The following ERG variants were observed in gnomAD, a reference collection of about 807,000 sequenced individuals.
ERG encodes transcriptional regulator ERG.
Under a neutral mutation model 55.3 loss-of-function variants are expected in ERG, and 9 were observed. The observed-to-expected ratio is 0.16, with a 90% CI of 0.10 to 0.28. ERG has a LOEUF of 0.28. ERG is among the 10% of genes least tolerant of loss of function. The pLI is 1.00. For missense variants in ERG, 434 were observed against 631.6 expected (o/e 0.69, Z 3.35); for synonymous variants, 223 against 237.3 (o/e 0.94, Z 0.55).
At chr21:38,588,340 G>GCC (rs1216862749), upstream of ERG, among the ~76,000 whole-genome samples, 2 of 152,054 alleles carry the variant, frequency 1.3e-5, no homozygotes, top group African/African-American at 4.8e-5. Context: ...CACCCTCCAA[G>GCC]CCCTGCCCCT....
chr21:38,438,710 A>G (rs995830648), intron 2 of ERG, among the ~76,000 whole-genome samples: 1 of 152,198 alleles, frequency 6.6e-6, no homozygotes, highest in African/African-American at 2.4e-5. Flanking sequence ...CAACTCAGGC[A>G]AGGACTTCTG....
chr21:38,650,196 C>A (rs2060480524), intron 1 of ERG, among the ~76,000 whole-genome samples: 1 of 152,170 alleles, frequency 6.6e-6, no homozygotes, highest in African/African-American at 2.4e-5. Flanking sequence ...ACAAACTTAT[C>A]TACAAAGAAC....
At position 38,541,486 on chromosome 21, in the gene ERG, G is replaced by T. The variant is rs1482971932; in HGVS notation, c.-41+34176C>A. 2.6e-5 allele frequency among the ~76,000 whole-genome samples: 4 copies of T among 152,084 alleles called. No individual in the cohort carries two copies. The East Asian group carries it at 7.7e-4, about 29-fold the overall frequency. ...TGTTTTATGCCACACATTGCCACTT[G>T]CTCAAGTGTAAAATAAACCTTAAAT... is the stretch of plus-strand genomic sequence containing the variant. On this transcript the variant is annotated intron_variant, in intron 2 of 8. Transcript: ENST00000398897.
At chr21:38,501,999 C>T (rs2059424694), upstream of ERG, among the ~76,000 whole-genome samples, 1 of 152,214 alleles carries the variant, frequency 6.6e-6, no homozygotes, top group South Asian at 2.1e-4. Context: ...CCCTTACTAA[C>T]TTCTCTGTAT....
intron 3 of ERG, among the ~76,000 whole-genome samples, chr21:38,414,819 A>AT (rs35398942): frequency 0.57 from 86,261 of 150,142 alleles, 25,799 homozygotes; most frequent in Non-Finnish European, 0.67. Flanking sequence ...TATTTTAAAC[A>AT]TTTTTTTTTT....
Position 38,382,288 on chromosome 21 carries a change from G to C in ERG, c.*1115C>G, listed in dbSNP as rs185584298. On this transcript the variant is annotated 3_prime_UTR_variant, in exon 10 of 10. Coordinates refer to ENST00000288319, the MANE Select transcript of ERG (RefSeq NM_182918.4). ...ATTCTGACAAACGCACAGCGTTCGCGACTCAAAGGAAAACTGGAGGCCGCC... is the reference window on the plus strand; with the variant it reads ...ATTCTGACAAACGCACAGCGTTCGCCACTCAAAGGAAAACTGGAGGCCGCC... 1 of 1,053,554 alleles carries C rather than the reference G, an allele frequency of 9.5e-7. No homozygotes were observed. Among genetic ancestry groups the C allele is most frequent in the Non-Finnish European group, 1.1e-6 (1 of 871,744 alleles). 65.3% of individuals were successfully genotyped at this position (1,053,554 alleles called of 1,614,324 possible). A position where few individuals can be genotyped will look rare whatever the true frequency, so the allele number is the denominator to read the frequency against.
chr21:38,588,646 C>T (rs2060081576), upstream of ERG, among the ~76,000 whole-genome samples: 1 of 152,126 alleles, frequency 6.6e-6, no homozygotes, highest in African/African-American at 2.4e-5. Flanking sequence ...GCTCTGACTC[C>T]AGAGAGGTGG....
At chr21:38,581,718 G>C (rs2060029616) in intron 1 of ERG, among the ~76,000 whole-genome samples, 3 of 152,138 alleles carry the variant, frequency 2.0e-5, no homozygotes, top group Admixed American at 2.0e-4. Flanking sequence ...TGAGCATATT[G>C]GTATGAAGAG....
chr21:38,422,214 C>T (rs1268282196), intron 3 of ERG, among the ~76,000 whole-genome samples: 1 of 152,222 alleles, frequency 6.6e-6, no homozygotes, highest in Non-Finnish European at 1.5e-5. Context: ...TATGGAACTA[C>T]CTGGAATTAA....
intron 2 of ERG, among the ~76,000 whole-genome samples, chr21:38,539,919 CAG>C (rs1392488216): frequency 2.4e-5 from 3 of 124,484 alleles, no homozygotes; most frequent in Non-Finnish European, 4.9e-5. Context: ...TTTTTTGAGA[CAG>C]AGTCTTGCTC....
intron 1 of ERG, among the ~76,000 whole-genome samples, chr21:38,595,067 G>A (rs988875288): frequency 6.6e-6 from 1 of 152,208 alleles, no homozygotes; most frequent in Non-Finnish European, 1.5e-5. Context: ...GGAAATGGCA[G>A]GCACATTGGT....
intron 1 of ERG, among the ~76,000 whole-genome samples, chr21:38,637,393 T>A (rs1345480762): frequency 6.6e-6 from 1 of 152,226 alleles, no homozygotes; most frequent in East Asian, 1.9e-4. Context: ...ATAGTCTTTC[T>A]ACTTACTTGG....
upstream of ERG, among the ~76,000 whole-genome samples, chr21:38,503,224 T>C (rs1347618222): frequency 6.6e-6 from 1 of 152,110 alleles, no homozygotes; most frequent in Non-Finnish European, 1.5e-5. Context: ...GTAAGTAACA[T>C]GCAATGTTGT....
At chr21:38,547,089 A>G (rs2059792445) in intron 2 of ERG, among the ~76,000 whole-genome samples, 1 of 152,178 alleles carries the variant, frequency 6.6e-6, no homozygotes, top group Admixed American at 6.5e-5. Flanking sequence ...AAGAAGGAAG[A>G]GTCCAAAAGA....
At chr21:38,386,004 T>C (rs1453069038) in intron 9 of ERG, among the ~76,000 whole-genome samples, 2 of 152,216 alleles carry the variant, frequency 1.3e-5, no homozygotes, top group Non-Finnish European at 2.9e-5. Context: ...ACACTTGGAA[T>C]CTACTCAAAC....
At chr21:38,591,547 C>T (rs2060100196) in intron 1 of ERG, among the ~76,000 whole-genome samples, 1 of 152,066 alleles carries the variant, frequency 6.6e-6, no homozygotes, top group Non-Finnish European at 1.5e-5. Context: ...CAAAAATTAG[C>T]CGGGCATGGT....
chr21:38,397,807 T>C (rs938939605), intron 6 of ERG, among the ~76,000 whole-genome samples: 1 of 151,932 alleles, frequency 6.6e-6, no homozygotes, highest in Non-Finnish European at 1.5e-5. Context: ...ATTTAACCAG[T>C]AAACCCTGAA....
chr21:38,456,061 C>T (rs1050712630), intron 1 of ERG, among the ~76,000 whole-genome samples: 8 of 152,208 alleles, frequency 5.3e-5, no homozygotes, highest in Non-Finnish European at 7.3e-5. Flanking sequence ...CTGATGTTTT[C>T]TAAGACTCCA....
intron 2 of ERG, among the ~76,000 whole-genome samples, chr21:38,445,030 ACTAC>A (rs2058877116): frequency 6.6e-6 from 1 of 152,106 alleles, no homozygotes; most frequent in Non-Finnish European, 1.5e-5. Flanking sequence ...TGGTAAATAT[ACTAC>A]TAATTTTACA....
Sources: gnomAD v4.1 joint callset for allele counts (sites outside exome capture counted in the v4.1 genomes callset) on GRCh38, gnomAD v4.1.1 for gene constraint, MANE v1.5 for transcripts, NCBI Gene and HGNC (gene_info 2026-07-23, HGNC 2026-07-21) for gene names.